Variants in TRIM55 observed in about 807,000 individuals in gnomAD.
The protein encoded by TRIM55 is tripartite motif containing 55.
TRIM55 carries 50 observed loss-of-function variants against 60.9 expected under a neutral mutation model. The ratio of observed to expected loss-of-function variants is 0.82; its 90% CI spans 0.65 to 1.04. The LOEUF (loss-of-function observed/expected upper bound fraction) is 1.04, where lower values mean the gene tolerates loss of function less well. Ranked by LOEUF, TRIM55 falls within the 50% of genes least tolerant of loss-of-function variation. The pLI is 0.00. For synonymous variants in TRIM55, 237 were observed against 238.1 expected (o/e 1.00, Z 0.04); for missense variants, 681 against 666.9 (o/e 1.02, Z -0.23).
chr8:66,134,230 G>A (rs1267326732), intron 2 of TRIM55, among the ~76,000 whole-genome samples: 1 of 152,144 alleles, frequency 6.6e-6, no homozygotes, highest in Non-Finnish European at 1.5e-5. Context: ...TTTGAAGAAA[G>A]CTTCTGGATT....
chr8:66,175,463 T>C lies in TRIM55; in HGVS notation c.*870T>C, dbSNP rs112485621. ...CATAAGTGTAACTTTATATGAACTC[T>C]TAAATAAATGATGTTTTTAAAAGCT... On this transcript the variant is annotated 3_prime_UTR_variant, in exon 10 of 10. Coordinates refer to ENST00000315962, the MANE Select transcript of TRIM55 (RefSeq NM_184085.2). 2 of 152,346 alleles carry C rather than the reference T, an allele frequency of 1.3e-5. No individual in the cohort carries two copies. Among genetic ancestry groups the C allele is most frequent in the African/African-American group, 4.8e-5 (2 of 41,584 alleles). The allele number at this position is 152,346 out of a possible 1,614,324, so 9.4% of individuals were successfully genotyped here.
intron 9 of TRIM55, among the ~76,000 whole-genome samples, chr8:66,156,523 C>T (rs1810749225): frequency 6.6e-6 from 1 of 151,984 alleles, no homozygotes; most frequent in South Asian, 2.1e-4. Context: ...CCTTTAATAC[C>T]CTTTTGAAAG....
At chr8:66,158,048 C>T (rs1810841924) in intron 9 of TRIM55, among the ~76,000 whole-genome samples, 1 of 151,992 alleles carries the variant, frequency 6.6e-6, no homozygotes, top group African/African-American at 2.4e-5. Flanking sequence ...TGGGCTTCTA[C>T]AGGATCTCTA....
chr8:66,114,113 C>G, the TRIM55 span, among the ~76,000 whole-genome samples: 1 of 124,152 alleles, frequency 8.1e-6, no homozygotes, highest in South Asian at 3.0e-4. Context: ...TTGCTTTGAA[C>G]CAAAAAAGTC....
chr8:66,151,850 TAATAAATAAATAAATAAATA>T (rs199757226), intron 7 of TRIM55, among the ~76,000 whole-genome samples: 9 of 142,716 alleles, frequency 6.3e-5, no homozygotes, highest in South Asian at 2.3e-4. Flanking sequence ...TCTCAAAAAA[TAATAAATAAATAAATAAATA>T]AATAAATAAA....
chr8:66,127,203 A>G lies in TRIM55; in HGVS notation c.-66A>G. ...TCACACAATCCCTGGAATAATATCC[A>G]GGAAACACTTGCTGGAGCCACTCGC... On this transcript the variant is annotated 5_prime_UTR_variant, in exon 1 of 10. Transcript: ENST00000315962. The G allele has an allele frequency of 6.7e-7, 1 of 1,492,278 alleles. No homozygotes were observed. Among genetic ancestry groups the G allele is most frequent in the Non-Finnish European group, 9.2e-7 (1 of 1,091,242 alleles). The allele number at this position is 1,492,278 out of a possible 1,614,324, so 92.4% of individuals were successfully genotyped here. A position where few individuals can be genotyped will look rare whatever the true frequency, so the allele number is the denominator to read the frequency against.
At chr8:66,114,025 G>A in the TRIM55 span, among the ~76,000 whole-genome samples, 2 of 150,168 alleles carry the variant, frequency 1.3e-5, no homozygotes, top group Admixed American at 6.9e-5. Context: ...AGGACTGTAG[G>A]CGCGCGCCCG....
chr8:66,147,817 A>C (rs34913827), intron 4 of TRIM55, among the ~76,000 whole-genome samples: 4 of 149,842 alleles, frequency 2.7e-5, no homozygotes, highest in Admixed American at 6.6e-5. Context: ...AAAAAAAAAA[A>C]CCACAAAATC....
chr8:66,152,441 A>T lies in TRIM55; in HGVS notation c.1050A>T (p.Gly350=), dbSNP rs751864050. Residue 350 remains glycine, a synonymous_variant, in exon 8 of 10, where the codon GGA becomes GGT. Transcript: ENST00000315962. ...EGEKEGEGEV[G]GEAVEVEEVE... ...AAAAAGAAGGAGAAGGAGAAGTGGG[A>T]GGAGAAGCAGTAGAAGTGGAAGAGG... 1.4e-5 allele frequency: 23 copies of T among 1,613,338 alleles called. No homozygotes were observed. The African/African-American group carries it at 2.9e-4, about 21-fold the overall frequency.
chr8:66,113,352 A>C, the TRIM55 span: 433 of 361,064 alleles, frequency 1.2e-3, 1 homozygote, highest in Non-Finnish European at 1.9e-3. Context: ...GGGGACGCCG[A>C]CACACGTACA....
the TRIM55 span, among the ~76,000 whole-genome samples, chr8:66,121,289 A>G: frequency 6.6e-6 from 1 of 152,170 alleles, no homozygotes; most frequent in Non-Finnish European, 1.5e-5. Flanking sequence ...GGCTGGTGGG[A>G]CTCAGAAACG....
At chr8:66,153,198 G>C (rs1810544080) in intron 8 of TRIM55, among the ~76,000 whole-genome samples, 1 of 152,130 alleles carries the variant, frequency 6.6e-6, no homozygotes, top group Non-Finnish European at 1.5e-5. Flanking sequence ...TTTTCCTTCA[G>C]TGAGCAAACA....
At chr8:66,153,207 C>A (rs528353647) in intron 8 of TRIM55, among the ~76,000 whole-genome samples, 4 of 152,122 alleles carry the variant, frequency 2.6e-5, no homozygotes, top group Admixed American at 2.6e-4. Flanking sequence ...AGTGAGCAAA[C>A]AATGAAGCCT....
chr8:66,125,914 G>A (rs887875207), upstream of TRIM55, among the ~76,000 whole-genome samples: 10 of 152,106 alleles, frequency 6.6e-5, no homozygotes, highest in African/African-American at 2.2e-4. Context: ...AAAGAAAGCC[G>A]AAATTTATCA....
At chr8:66,156,035 G>A (rs2128982583) in intron 9 of TRIM55, among the ~76,000 whole-genome samples, 1 of 152,310 alleles carries the variant, frequency 6.6e-6, no homozygotes, top group Admixed American at 6.5e-5. Context: ...AGTTTCAAGT[G>A]TCCATAATGC....
chr8:66,146,948 C>T (rs1418192537), intron 4 of TRIM55, among the ~76,000 whole-genome samples: 1 of 152,146 alleles, frequency 6.6e-6, no homozygotes, highest in Non-Finnish European at 1.5e-5. Flanking sequence ...CCTATTCCTC[C>T]TTAAGGTCAA....
chr8:66,174,703 G>A lies in TRIM55; in HGVS notation c.*110G>A, dbSNP rs2128988276. On this transcript the variant is annotated 3_prime_UTR_variant, in exon 10 of 10. Coordinates refer to ENST00000315962, the MANE Select transcript of TRIM55 (RefSeq NM_184085.2). Reference sequence around the variant, plus strand: ...AGATGATGAAAGGGACCTCTGAACAGGATTTCTGCAAAAATAGCCCCAAAC... The same window carrying A: ...AGATGATGAAAGGGACCTCTGAACAAGATTTCTGCAAAAATAGCCCCAAAC... 2 of 1,240,346 alleles carry A rather than the reference G, an allele frequency of 1.6e-6. No individual in the cohort carries two copies. Among genetic ancestry groups the A allele is most frequent in the South Asian group, 1.9e-5 (1 of 52,810 alleles). The allele number at this position is 1,240,346 out of a possible 1,614,324, so 76.8% of individuals were successfully genotyped here. A position where few individuals can be genotyped will look rare whatever the true frequency, so the allele number is the denominator to read the frequency against.
At chr8:66,127,516 G>T in intron 1 of TRIM55, 80 bp downstream of exon 1, 1 of 1,523,480 alleles carries the variant, frequency 6.6e-7, no homozygotes, top group South Asian at 1.2e-5. Context: ...TAACATTGAG[G>T]TGAAATCCTT....
At chr8:66,169,140 AT>A (rs891082133) in intron 9 of TRIM55, among the ~76,000 whole-genome samples, 1 of 152,214 alleles carries the variant, frequency 6.6e-6, no homozygotes, top group Non-Finnish European at 1.5e-5. Flanking sequence ...GCTAAAAAAA[AT>A]AATGCCCCCC....
Sources: allele counts gnomAD v4.1 joint callset (sites outside exome capture counted in the v4.1 genomes callset), GRCh38; gene constraint gnomAD v4.1.1; transcripts MANE v1.5; gene names NCBI Gene and HGNC (gene_info 2026-07-23, HGNC 2026-07-21).